The following TANC2 variants were observed in gnomAD, a reference collection of about 807,000 sequenced individuals.
The protein encoded by TANC2 is tetratricopeptide repeat, ankyrin repeat and coiled-coil containing 2.
TANC2 carries 26 observed loss-of-function variants against 210.5 expected under a neutral mutation model. That is an observed-to-expected ratio of 0.12 (90% CI 0.09 to 0.17). The LOEUF (loss-of-function observed/expected upper bound fraction) is 0.17. Among genes scored for constraint, TANC2 ranks in the 10% least tolerant of loss-of-function variants. The probability of loss-of-function intolerance (pLI) is 1.00; values close to 1 mark genes in which losing one functional copy is unlikely to be tolerated. For synonymous variants in TANC2, 931 were observed against 967.1 expected, an observed-to-expected ratio of 0.96 and a Z score of 0.69; for missense variants, 2,129 against 2,608.9, an observed-to-expected ratio of 0.82 and a Z score of 4.01.
chr17:63,096,100 T>G (rs1383195850), intron 3 of TANC2, among the ~76,000 whole-genome samples: 1 of 152,172 alleles, frequency 6.6e-6, no homozygotes, highest in Non-Finnish European at 1.5e-5. Flanking sequence ...CATGCCTCTT[T>G]GTTTATGTAA....
intron 11 of TANC2, among the ~76,000 whole-genome samples, chr17:63,333,751 G>A (rs2045935854): frequency 6.6e-6 from 1 of 152,056 alleles, no homozygotes. Flanking sequence ...AAACTTTATT[G>A]TCTTATTTTA....
rs764622235 is a variant in TANC2 at position 63,421,783 on chromosome 17, T to C, written c.6053T>C (p.Leu2018Pro). Residue 2018 changes from leucine (L) to proline (P), a missense_variant, in exon 28 of 28, where the codon CTC (leucine) becomes CCC (proline). By Grantham distance (98) the Leu-to-Pro change is moderately conservative (BLOSUM62 -3). Transcript: ENST00000689528. This position sits in a 1 kb window ranked among gnomAD's most constrained non-coding sequence, Gnocchi z 6.9. Reference sequence around the variant, plus strand: ...CTGGCTAACGGGTCTCGTGGAGACCTCTTGGAGCGAGTCAGCCAGGCCTCC... The same window carrying C: ...CTGGCTAACGGGTCTCGTGGAGACCCCTTGGAGCGAGTCAGCCAGGCCTCC... 1.2e-6 allele frequency: 2 copies of C among 1,614,026 alleles called. No individual in the cohort carries two copies. Among genetic ancestry groups the C allele is most frequent in the South Asian group, 2.2e-5 (2 of 91,084 alleles).
intron 5 of TANC2, 124 bp downstream of exon 5, chr17:63,151,504 C>T (rs932380115): frequency 3.7e-6 from 1 of 270,828 alleles, no homozygotes; most frequent in African/African-American, 2.3e-5. Context: ...AACTGATTGC[C>T]TATTCTTCTT....
intron 5 of TANC2, among the ~76,000 whole-genome samples, chr17:63,190,521 T>A (rs1011463268): frequency 7.2e-5 from 11 of 152,208 alleles, no homozygotes; most frequent in African/African-American, 2.7e-4. Context: ...GGTTGTTTTT[T>A]AATTTTGGGC....
intron 2 of TANC2, among the ~76,000 whole-genome samples, chr17:63,031,807 G>A (rs2144139763): frequency 6.6e-6 from 1 of 152,260 alleles, no homozygotes; most frequent in South Asian, 2.1e-4. Flanking sequence ...AATATAGTAT[G>A]AGAAGTATTG....
chr17:63,409,228 G>C (rs1015841676), intron 21 of TANC2, among the ~76,000 whole-genome samples: 9 of 152,022 alleles, frequency 5.9e-5, no homozygotes, highest in African/African-American at 2.2e-4. Flanking sequence ...CTGGAGTGCA[G>C]TGGCCTGATC....
chr17:63,290,452 A>G (rs908337710), intron 9 of TANC2, among the ~76,000 whole-genome samples: 8 of 152,094 alleles, frequency 5.3e-5, no homozygotes, highest in African/African-American at 1.2e-4. Flanking sequence ...TAGTCTGTTC[A>G]GGTTTTTACT....
chr17:63,218,495 A>G (rs1160923875), intron 7 of TANC2, among the ~76,000 whole-genome samples: 1 of 152,174 alleles, frequency 6.6e-6, no homozygotes, highest in African/African-American at 2.4e-5. Flanking sequence ...TAAAGTAAGT[A>G]AATAAAAGGC....
rs1301525934 is a variant in TANC2 at position 62,991,654 on chromosome 17, C to A, written c.-23-17883C>A. 2.1e-3 allele frequency among the ~76,000 whole-genome samples: 306 copies of A among 145,678 alleles called. 1 individual carries two copies. The highest frequency in any genetic ancestry group is 6.2e-3 in the African/African-American group (243 of 39,388). ...GACTCCGTCTCAAAAAAAAAAAAAACAAAAAAACAAACAAAAAAAGCTAAG... is the reference window on the plus strand; with the variant it reads ...GACTCCGTCTCAAAAAAAAAAAAAAAAAAAAAACAAACAAAAAAAGCTAAG... On this transcript the variant is annotated intron_variant, in intron 1 of 27. Coordinates refer to ENST00000689528, the Ensembl canonical transcript of TANC2.
chr17:63,147,670 G>T (rs1027377428), intron 4 of TANC2, among the ~76,000 whole-genome samples: 3 of 152,108 alleles, frequency 2.0e-5, no homozygotes, highest in Non-Finnish European at 2.9e-5. Context: ...GCTGGTCCAG[G>T]CACCACATTT....
At chr17:63,356,738 G>A (rs1486534031) in intron 14 of TANC2, among the ~76,000 whole-genome samples, 2 of 152,076 alleles carry the variant, frequency 1.3e-5, no homozygotes, top group African/African-American at 4.8e-5. Context: ...TTTGACCTTT[G>A]GAAAAAGTTA....
chr17:63,310,100 G>GA (rs1415731261), intron 9 of TANC2, among the ~76,000 whole-genome samples: 3 of 152,102 alleles, frequency 2.0e-5, no homozygotes, highest in Admixed American at 1.3e-4. Flanking sequence ...AACCCATAAA[G>GA]AAAAAGACTG....
rs572215133 is a variant in TANC2 at position 62,970,840 on chromosome 17, A to T, written c.-24+4091A>T. Among the ~76,000 whole-genome samples the T allele has an allele frequency of 1.1e-4, 17 of 152,228 alleles. 1 individual carries two copies. The highest frequency in any genetic ancestry group is 4.1e-4 in the South Asian group (2 of 4,834). ...CAGTACAATATGCAGATTTTAATTC[A>T]GGGAGCTAGAACAAGCTGTTGCAGA... is the stretch of plus-strand genomic sequence containing the variant. On this transcript the variant is annotated intron_variant, in intron 1 of 27. Coordinates refer to ENST00000689528, the Ensembl canonical transcript of TANC2.
chr17:62,982,421 T>C (rs1186980196), intron 1 of TANC2, among the ~76,000 whole-genome samples: 1 of 152,148 alleles, frequency 6.6e-6, no homozygotes, highest in Non-Finnish European at 1.5e-5. Flanking sequence ...TTCTTGGTAA[T>C]TTTGATCATG....
intron 5 of TANC2, among the ~76,000 whole-genome samples, chr17:63,156,904 T>A (rs543410041): frequency 6.6e-6 from 1 of 152,264 alleles, no homozygotes; most frequent in South Asian, 2.1e-4. Context: ...TTGTGTAGGC[T>A]GGTTTTGAAC....
At chr17:63,036,843 A>C (rs975383185) in intron 2 of TANC2, among the ~76,000 whole-genome samples, 1 of 149,764 alleles carries the variant, frequency 6.7e-6, no homozygotes, top group African/African-American at 2.5e-5. Flanking sequence ...ACTTACATGT[A>C]AGTTTTTTTT....
intron 3 of TANC2, among the ~76,000 whole-genome samples, chr17:63,080,737 G>C (rs1401290540): frequency 6.6e-6 from 1 of 152,088 alleles, no homozygotes; most frequent in Non-Finnish European, 1.5e-5. Context: ...TGAACCAACT[G>C]TGGTTAATTA....
At chr17:63,200,742 C>T in intron 6 of TANC2, 29 bp from the exon 7 acceptor site, 1 of 1,587,978 alleles carries the variant, frequency 6.3e-7, no homozygotes, top group Non-Finnish European at 8.6e-7. Context: ...ATCAGGTTAT[C>T]TTACTTATTC....
At position 63,421,616 on chromosome 17, in the gene TANC2, T is replaced by C. The variant is rs2049026399; in HGVS notation, c.5886T>C (p.Ser1962=). The change falls in exon 28 of 28, where the codon AGT becomes AGC. Residue 1962 remains serine, a synonymous_variant. Transcript: ENST00000689528. The surrounding 1 kb of genome is among the most constrained non-coding windows in gnomAD (Gnocchi z 6.9). ...TGTCATCTGTGGACACCGTCCTCAG[T>C]CCCACGTCTCCAGGCAACCTGCCTC... is the stretch of plus-strand genomic sequence containing the variant. The C allele has an allele frequency of 6.2e-7, 1 of 1,613,986 alleles. No homozygotes were observed. Among genetic ancestry groups the C allele is most frequent in the Non-Finnish European group, 8.5e-7 (1 of 1,179,876 alleles).
Sources: allele counts gnomAD v4.1 joint callset (sites outside exome capture counted in the v4.1 genomes callset), GRCh38; gene constraint gnomAD v4.1.1; non-coding constraint Gnocchi (gnomAD v3.1); transcripts MANE v1.5; gene names NCBI Gene and HGNC (gene_info 2026-07-23, HGNC 2026-07-21).